The following LPAR3 variants were observed in gnomAD, a reference collection of about 807,000 sequenced individuals.
The protein encoded by LPAR3 is lysophosphatidic acid receptor 3.
In LPAR3, 7 loss-of-function variants were observed where a neutral mutation model predicts 17.8. That is an observed-to-expected ratio of 0.39 (90% CI 0.22 to 0.74). The LOEUF (loss-of-function observed/expected upper bound fraction) is 0.74, where lower values mean the gene tolerates loss of function less well. LPAR3 is among the 30% of genes least tolerant of loss of function. LPAR3 has a pLI of 0.40. For missense variants in LPAR3, 391 were observed against 453.4 expected (o/e 0.86, Z 1.25); for synonymous variants, 179 against 179.9 (o/e 0.99, Z 0.04).
At chr1:84,825,183 A>G (rs1400286902) in intron 2 of LPAR3, among the ~76,000 whole-genome samples, 1 of 152,228 alleles carries the variant, frequency 6.6e-6, no homozygotes, top group African/African-American at 2.4e-5. Context: ...AGTGCTAGGA[A>G]CTGAGGAGAA....
intron 2 of LPAR3, among the ~76,000 whole-genome samples, chr1:84,836,006 C>CTT (rs34491570): frequency 0.13 from 8,237 of 61,630 alleles, 1,888 homozygotes; most frequent in Non-Finnish European, 0.14. Context: ...CAACCCCGGC[C>CTT]TTTTTTTTTT....
chr1:84,864,614 T>G (rs955172290), intron 2 of LPAR3, among the ~76,000 whole-genome samples: 1 of 151,938 alleles, frequency 6.6e-6, no homozygotes, highest in African/African-American at 2.4e-5. Flanking sequence ...AAACCCCATC[T>G]CTACTAAAAA....
At chr1:84,844,745 C>T (rs1659565455) in intron 2 of LPAR3, among the ~76,000 whole-genome samples, 2 of 152,120 alleles carry the variant, frequency 1.3e-5, no homozygotes, top group Admixed American at 1.3e-4. Flanking sequence ...ACTATTATGA[C>T]TATTAAGAAC....
intron 1 of LPAR3, among the ~76,000 whole-genome samples, chr1:84,873,677 C>T (rs572002345): frequency 7.9e-5 from 12 of 152,102 alleles, no homozygotes; most frequent in South Asian, 2.1e-4. Context: ...CTTGAGAAAG[C>T]TAAACCCTCA....
intron 2 of LPAR3, among the ~76,000 whole-genome samples, chr1:84,832,438 C>T (rs547696298): frequency 6.6e-6 from 1 of 152,146 alleles, no homozygotes; most frequent in South Asian, 2.1e-4. Flanking sequence ...ATAAATGACA[C>T]ATATTGTATA....
intron 1 of LPAR3, among the ~76,000 whole-genome samples, chr1:84,892,424 C>T (rs535117317): frequency 2.6e-5 from 4 of 152,238 alleles, no homozygotes; most frequent in African/African-American, 9.6e-5. Flanking sequence ...AGTAACTCTG[C>T]TACAGAACAA....
intron 1 of LPAR3, among the ~76,000 whole-genome samples, chr1:84,886,817 C>A (rs1295922750): frequency 6.6e-6 from 1 of 151,658 alleles, no homozygotes; most frequent in Non-Finnish European, 1.5e-5. Flanking sequence ...TCTGGTGGAG[C>A]CAGAAAATAA....
intron 1 of LPAR3, among the ~76,000 whole-genome samples, chr1:84,884,823 C>G (rs536736116): frequency 6.6e-6 from 1 of 152,186 alleles, no homozygotes; most frequent in African/African-American, 2.4e-5. Flanking sequence ...TCTTCACTTC[C>G]CTCTGTTGGA....
chr1:84,851,759 G>T (rs375203036), intron 2 of LPAR3, among the ~76,000 whole-genome samples: 9 of 152,338 alleles, frequency 5.9e-5, no homozygotes, highest in Admixed American at 4.6e-4. Context: ...CAGAAGCAGG[G>T]GCTGTGTGAG....
rs1288223408 is a variant in LPAR3, at chr1:84,811,814, T to C, written c.*2032A>G. On this transcript the variant is annotated 3_prime_UTR_variant, in exon 3 of 3. Coordinates refer to ENST00000370611, the MANE Select transcript of LPAR3 (RefSeq NM_012152.3). ...TCACAATAGCAAAAAAATGTAAACT[T>C]CTTTTGCAAACTACATAAATACTAT... 6.6e-6 allele frequency: 1 copy of C among 152,214 alleles called. No homozygotes were observed. Among genetic ancestry groups the C allele is most frequent in the Non-Finnish European group, 1.5e-5 (1 of 68,034 alleles). 9.4% of individuals were successfully genotyped at this position (152,214 alleles called of 1,614,324 possible).
intron 2 of LPAR3, among the ~76,000 whole-genome samples, chr1:84,832,148 A>C (rs1016469094): frequency 3.3e-5 from 5 of 152,092 alleles, no homozygotes; most frequent in African/African-American, 1.2e-4. Context: ...CTGCGCTAAC[A>C]GTGCTGTACT....
chr1:84,873,495 A>C (rs1660196100), intron 1 of LPAR3, among the ~76,000 whole-genome samples: 1 of 152,236 alleles, frequency 6.6e-6, no homozygotes, highest in Admixed American at 6.5e-5. Flanking sequence ...TGATATGGTA[A>C]AATAAACAGA....
intron 2 of LPAR3, among the ~76,000 whole-genome samples, chr1:84,836,993 C>T (rs1310064777): frequency 1.3e-5 from 2 of 150,594 alleles, no homozygotes; most frequent in Non-Finnish European, 3.0e-5. Context: ...AAAAATAATT[C>T]TATCACTAAA....
At chr1:84,863,102 C>T (rs1346952776) in intron 2 of LPAR3, among the ~76,000 whole-genome samples, 1 of 151,288 alleles carries the variant, frequency 6.6e-6, no homozygotes, top group Non-Finnish European at 1.5e-5. Flanking sequence ...TTAAGACAGG[C>T]TCTTACTCTG....
chr1:84,830,524 C>T (rs776269341), intron 2 of LPAR3, among the ~76,000 whole-genome samples: 3 of 152,038 alleles, frequency 2.0e-5, no homozygotes, highest in Admixed American at 1.3e-4. Context: ...TCCCATTCCA[C>T]AGCACACTCT....
At chr1:84,830,598 G>A (rs1179092950) in intron 2 of LPAR3, among the ~76,000 whole-genome samples, 1 of 152,192 alleles carries the variant, frequency 6.6e-6, no homozygotes, top group African/African-American at 2.4e-5. Context: ...TAGACTGAGA[G>A]CACCTCAAGG....
intron 2 of LPAR3, among the ~76,000 whole-genome samples, chr1:84,858,871 A>G (rs1256251138): frequency 1.3e-5 from 2 of 152,246 alleles, no homozygotes; most frequent in African/African-American, 4.8e-5. Flanking sequence ...AGCCCAAGGG[A>G]GGCAGTAATC....
chr1:84,892,415 G>C (rs1286870979), intron 1 of LPAR3, among the ~76,000 whole-genome samples: 1 of 152,114 alleles, frequency 6.6e-6, no homozygotes, highest in African/African-American at 2.4e-5. Flanking sequence ...AAGCAATAAA[G>C]TAACTCTGCT....
chr1:84,845,840 G>A (rs991234578), intron 2 of LPAR3, among the ~76,000 whole-genome samples: 2 of 152,250 alleles, frequency 1.3e-5, no homozygotes, highest in Non-Finnish European at 2.9e-5. Context: ...ACCAAGCTGT[G>A]AAAAGTATAC....
Sources: allele counts gnomAD v4.1 joint callset (sites outside exome capture counted in the v4.1 genomes callset), GRCh38; gene constraint gnomAD v4.1.1; transcripts MANE v1.5; gene names NCBI Gene and HGNC (gene_info 2026-07-23, HGNC 2026-07-21).